FMN1: variants seen among roughly 807,000 people sequenced by gnomAD.
FMN1 encodes the protein formin 1.
A neutral mutation model predicts 132.4 loss-of-function variants in FMN1; 110 were observed. That is an observed-to-expected ratio of 0.83 (90% CI 0.71 to 0.97). The LOEUF (loss-of-function observed/expected upper bound fraction) is 0.97. Among genes scored for constraint, FMN1 ranks in the 50% least tolerant of loss-of-function variants. The probability of loss-of-function intolerance (pLI) is 0.00; values close to 1 mark genes in which losing one functional copy is unlikely to be tolerated. For missense variants in FMN1, 1,792 were observed against 1,705.3 expected (o/e 1.05, Z -0.90); for synonymous variants, 722 against 651.7 (o/e 1.11, Z -1.64).
chr15:32,943,846 T>A (rs1464245438), intron 9 of FMN1, among the ~76,000 whole-genome samples: 3 of 152,144 alleles, frequency 2.0e-5, no homozygotes, highest in Non-Finnish European at 2.9e-5. Context: ...GTAATAGACA[T>A]CTAATTGGGA....
intron 5 of FMN1, among the ~76,000 whole-genome samples, chr15:33,081,364 A>G (rs2038451106): frequency 6.6e-6 from 1 of 152,208 alleles, no homozygotes; most frequent in Non-Finnish European, 1.5e-5. Flanking sequence ...TGATATTTTG[A>G]TACTTGAATA....
At chr15:33,030,318 A>G (rs900971063) in intron 6 of FMN1, among the ~76,000 whole-genome samples, 1 of 152,246 alleles carries the variant, frequency 6.6e-6, no homozygotes, top group African/African-American at 2.4e-5. Flanking sequence ...TTAAAAGAAA[A>G]TAGAGACCAG....
At chr15:32,886,451 C>A (rs78729357) in intron 16 of FMN1, among the ~76,000 whole-genome samples, 1 of 152,104 alleles carries the variant, frequency 6.6e-6, no homozygotes, top group South Asian at 2.1e-4. Flanking sequence ...AGATCCGGAA[C>A]GACAATTCAG....
intron 12 of FMN1, among the ~76,000 whole-genome samples, chr15:32,906,895 C>T (rs1027864775): frequency 6.6e-6 from 1 of 152,168 alleles, no homozygotes; most frequent in Non-Finnish European, 1.5e-5. Flanking sequence ...CTGGACCATG[C>T]TCCATGTGAG....
chr15:33,176,099 G>C (rs2140330904), intron 3 of FMN1, among the ~76,000 whole-genome samples: 1 of 152,270 alleles, frequency 6.6e-6, no homozygotes, highest in South Asian at 2.1e-4. Flanking sequence ...GGCCCCCTAG[G>C]TGCAGTGTCT....
intron 16 of FMN1, among the ~76,000 whole-genome samples, chr15:32,858,758 T>C (rs927929997): frequency 1.3e-5 from 2 of 152,242 alleles, no homozygotes; most frequent in African/African-American, 4.8e-5. Context: ...AATAATCATT[T>C]AAAACATTCA....
chr15:33,089,469 A>C (rs1351509182), intron 4 of FMN1, among the ~76,000 whole-genome samples: 1 of 152,234 alleles, frequency 6.6e-6, no homozygotes, highest in Non-Finnish European at 1.5e-5. Context: ...TGAGTAGTGC[A>C]TGAGAAACCC....
intron 3 of FMN1, among the ~76,000 whole-genome samples, chr15:33,173,207 T>C (rs562662642): frequency 6.6e-6 from 1 of 151,938 alleles, no homozygotes; most frequent in African/African-American, 2.4e-5. Flanking sequence ...GTTTTGAGAT[T>C]GGAAGTACAA....
rs531309039 is a variant in FMN1 at position 33,023,291 on chromosome 15, G to A, written c.2162-15216C>T. ...AAAAAAAAATCATCCTATAGATCACGAGCCTTCAAGCCAAACTTTCAAAAC... is the reference window on the plus strand; with the variant it reads ...AAAAAAAAATCATCCTATAGATCACAAGCCTTCAAGCCAAACTTTCAAAAC... On this transcript the variant is annotated intron_variant, in intron 6 of 20. Transcript: ENST00000616417. 2.0e-5 allele frequency among the ~76,000 whole-genome samples: 3 copies of A among 151,728 alleles called. No individual in the cohort carries two copies. The South Asian group carries it at 6.2e-4, about 32-fold the overall frequency.
chr15:33,103,858 C>G (rs940621070), intron 4 of FMN1, among the ~76,000 whole-genome samples: 1 of 152,094 alleles, frequency 6.6e-6, no homozygotes, highest in South Asian at 2.1e-4. Flanking sequence ...CATCTTATCA[C>G]TATCTGAAAA....
At chr15:32,876,188 G>A (rs1238951924) in intron 16 of FMN1, among the ~76,000 whole-genome samples, 3 of 152,170 alleles carry the variant, frequency 2.0e-5, no homozygotes, top group Non-Finnish European at 2.9e-5. Flanking sequence ...AAGCACTTGT[G>A]TTGTTTCTAA....
intron 4 of FMN1, among the ~76,000 whole-genome samples, chr15:33,145,617 C>T (rs1277355410): frequency 6.6e-6 from 1 of 151,364 alleles, no homozygotes; most frequent in African/African-American, 2.4e-5. Flanking sequence ...TAGCCGCTAC[C>T]CTCGGATGTG....
In FMN1 at chr15:32,783,744, C is replaced by CAAAAAAAA. The variant is rs533699379; in HGVS notation, c.4131-6833_4131-6826dup. Among the ~76,000 whole-genome samples, 5 of 64,202 alleles carry CAAAAAAAA rather than the reference C, an allele frequency of 7.8e-5. 2 individuals are homozygous for CAAAAAAAA. Among genetic ancestry groups the CAAAAAAAA allele is most frequent in the East Asian group, 1.1e-3 (2 of 1,866 alleles). 42.1% of individuals were successfully genotyped at this position (64,202 alleles called of 152,430 possible). Reference sequence around the variant, plus strand: ...TGGGCGACAGAGCGAGACTCTGTTTCAAAAAAAAAAAAAAAAAAAAAAAAA... The same window carrying CAAAAAAAA: ...TGGGCGACAGAGCGAGACTCTGTTTCAAAAAAAAAAAAAAAAAAAAAAAAAAAAAAAAA... On this transcript the variant is annotated intron_variant, in intron 19 of 20. Coordinates refer to ENST00000616417, the MANE Select transcript of FMN1 (RefSeq NM_001277313.2).
At chr15:32,777,044 A>T (rs2056443522) in intron 19 of FMN1, 125 bp from the exon 20 acceptor site, 6 of 564,156 alleles carry the variant, frequency 1.1e-5, no homozygotes, top group South Asian at 2.5e-5. Context: ...ATCCATCAGC[A>T]ATTTGAAAAT....
intron 19 of FMN1, among the ~76,000 whole-genome samples, chr15:32,784,177 T>C (rs2056771321): frequency 6.6e-6 from 1 of 152,098 alleles, no homozygotes; most frequent in South Asian, 2.1e-4. Flanking sequence ...TATTGGAAAA[T>C]CCAATAGTTT....
intron 7 of FMN1, among the ~76,000 whole-genome samples, chr15:33,001,349 TATTG>T (rs2140910919): frequency 6.6e-6 from 1 of 152,334 alleles, no homozygotes; most frequent in East Asian, 1.9e-4. Context: ...AGCAAAGATT[TATTG>T]ATTATTTAAA....
chr15:32,849,738 C>A (rs1466770777), intron 17 of FMN1, among the ~76,000 whole-genome samples: 1 of 152,010 alleles, frequency 6.6e-6, no homozygotes, highest in East Asian at 1.9e-4. Flanking sequence ...CTCACTGCAA[C>A]CTTTGCTTCC....
At chr15:33,064,361 T>G (rs1244720550) in intron 6 of FMN1, 1 of 152,218 alleles carries the variant, frequency 6.6e-6, no homozygotes, top group Non-Finnish European at 1.5e-5. Context: ...ACGTGAAACT[T>G]CCACTTAAAT....
intron 18 of FMN1, among the ~76,000 whole-genome samples, chr15:32,803,970 G>A (rs946440452): frequency 2.6e-5 from 4 of 152,094 alleles, no homozygotes; most frequent in East Asian, 1.9e-4. Flanking sequence ...ACATGGGGCC[G>A]AAAGTAGGGC....
Sources: allele counts gnomAD v4.1 joint callset (sites outside exome capture counted in the v4.1 genomes callset), GRCh38; gene constraint gnomAD v4.1.1; transcripts MANE v1.5; gene names NCBI Gene and HGNC (gene_info 2026-07-23, HGNC 2026-07-21).